LRRC37A2: variants seen among roughly 807,000 people sequenced by gnomAD.
LRRC37A2 encodes leucine rich repeat containing 37 member A2.
LRRC37A2 carries 9 observed loss-of-function variants against 68.8 expected under a neutral mutation model. The observed-to-expected ratio is 0.13, with a 90% CI of 0.08 to 0.23. The LOEUF (loss-of-function observed/expected upper bound fraction) is 0.23. LRRC37A2 is among the 10% of genes least tolerant of loss of function. The pLI is 1.00. For synonymous variants in LRRC37A2, 63 were observed against 367.6 expected (o/e 0.17, Z 9.48); for missense variants, 168 against 950.4 (o/e 0.18, Z 10.82).
At chr17:47,028,165 C>T in the LRRC37A2 span, 1 of 749,164 alleles carries the variant, frequency 1.3e-6, no homozygotes, top group Non-Finnish European at 2.4e-6. Context: ...TTCCTTAGTG[C>T]ATAGAGAAAG....
At chr17:46,979,480 C>T in the LRRC37A2 span, among the ~76,000 whole-genome samples, 1 of 152,212 alleles carries the variant, frequency 6.6e-6, no homozygotes, top group Non-Finnish European at 1.5e-5. Flanking sequence ...CCGTTCTTGG[C>T]TAGAAAACCT....
the LRRC37A2 span, among the ~76,000 whole-genome samples, chr17:46,996,155 CT>C: frequency 6.6e-6 from 1 of 152,198 alleles, no homozygotes; most frequent in South Asian, 2.1e-4. Flanking sequence ...TGGCTGCTCT[CT>C]GGATATCCCA....
the LRRC37A2 span, among the ~76,000 whole-genome samples, chr17:46,860,559 T>C: frequency 5.3e-5 from 8 of 152,252 alleles, no homozygotes; most frequent in African/African-American, 1.7e-4. Flanking sequence ...AATGGGATAA[T>C]CTTGATCTCT....
the LRRC37A2 span, chr17:46,721,759 T>C: frequency 6.2e-7 from 1 of 1,603,784 alleles, no homozygotes; most frequent in Non-Finnish European, 8.5e-7. Flanking sequence ...CAATTTCGCT[T>C]GGGAAGACCA....
At chr17:46,896,392 GAGAA>G in the LRRC37A2 span, among the ~76,000 whole-genome samples, 114 of 88,842 alleles carry the variant, frequency 1.3e-3, no homozygotes, top group South Asian at 3.0e-3. Context: ...AAGAAAGAAA[GAGAA>G]AGAAAGAAAG....
At chr17:46,883,592 C>A in the LRRC37A2 span, among the ~76,000 whole-genome samples, 1 of 152,156 alleles carries the variant, frequency 6.6e-6, no homozygotes, top group African/African-American at 2.4e-5. Flanking sequence ...GCCTATGATC[C>A]CCATTTTATA....
chr17:46,810,467 T>C, the LRRC37A2 span, among the ~76,000 whole-genome samples: 1 of 152,206 alleles, frequency 6.6e-6, no homozygotes, highest in Non-Finnish European at 1.5e-5. Context: ...GCCTCAGGTC[T>C]GAGGCCAACT....
At chr17:46,922,833 G>C in the LRRC37A2 span, 1 of 339,126 alleles carries the variant, frequency 2.9e-6, no homozygotes, top group Non-Finnish European at 5.5e-6. Flanking sequence ...CTGCGGCAGA[G>C]AACAGCAGAT....
the LRRC37A2 span, among the ~76,000 whole-genome samples, chr17:46,676,584 A>C: frequency 7.0e-6 from 1 of 143,176 alleles, no homozygotes; most frequent in Non-Finnish European, 1.5e-5. Flanking sequence ...TTAGAATTTG[A>C]ATGAATGTAT....
At chr17:46,934,617 C>T in the LRRC37A2 span, among the ~76,000 whole-genome samples, 1 of 152,184 alleles carries the variant, frequency 6.6e-6, no homozygotes, top group African/African-American at 2.4e-5. Flanking sequence ...AGCTAAAGGA[C>T]ACGAGCAAAC....
the LRRC37A2 span, among the ~76,000 whole-genome samples, chr17:46,664,465 C>CA: frequency 5.1e-3 from 5 of 980 alleles, no homozygotes; most frequent in Admixed American, 0.019. Flanking sequence ...GACCCTGTCT[C>CA]AAAAAAAAAA....
chr17:46,923,225 A>C, the LRRC37A2 span: 5 of 1,550,894 alleles, frequency 3.2e-6, no homozygotes, highest in Non-Finnish European at 4.4e-6. Context: ...CGCACAAGTG[A>C]GGGCCGGTCG....
At chr17:46,967,680 C>T in the LRRC37A2 span, among the ~76,000 whole-genome samples, 5 of 152,062 alleles carry the variant, frequency 3.3e-5, no homozygotes, top group African/African-American at 1.2e-4. Flanking sequence ...TTTAGGACAG[C>T]CCCTAGGAGG....
At chr17:46,773,408 G>A in the LRRC37A2 span, among the ~76,000 whole-genome samples, 1 of 152,048 alleles carries the variant, frequency 6.6e-6, no homozygotes, top group Admixed American at 6.6e-5. Context: ...AGCCTGAGGC[G>A]CCCACTGTGC....
the LRRC37A2 span, among the ~76,000 whole-genome samples, chr17:46,714,506 G>T: frequency 2.0e-5 from 3 of 152,082 alleles, no homozygotes; most frequent in Non-Finnish European, 4.4e-5. Flanking sequence ...AGTGCCACTC[G>T]TCACCTTCTT....
the LRRC37A2 span, among the ~76,000 whole-genome samples, chr17:46,807,039 T>A: frequency 6.6e-6 from 1 of 151,990 alleles, no homozygotes; most frequent in African/African-American, 2.4e-5. Flanking sequence ...GGGGTGGACA[T>A]AGTCATTGGC....
the LRRC37A2 span, among the ~76,000 whole-genome samples, chr17:47,026,949 C>T: frequency 5.3e-5 from 8 of 152,118 alleles, no homozygotes; most frequent in East Asian, 1.9e-4. Flanking sequence ...CTCGCTCTGT[C>T]GCCCAGGCTG....
chr17:46,935,498 C>A, the LRRC37A2 span: 1 of 1,336,994 alleles, frequency 7.5e-7, no homozygotes, highest in Non-Finnish European at 9.6e-7. Flanking sequence ...AGAATCTACT[C>A]TTGGAAGAAT....
chr17:46,810,136 A>C, the LRRC37A2 span, among the ~76,000 whole-genome samples: 2 of 150,508 alleles, frequency 1.3e-5, no homozygotes, highest in Non-Finnish European at 2.9e-5. Context: ...CCTTCCGAGT[A>C]GCTGGGATTA....
Sources: gnomAD v4.1 joint callset for allele counts (sites outside exome capture counted in the v4.1 genomes callset) on GRCh38, gnomAD v4.1.1 for gene constraint, MANE v1.5 for transcripts, NCBI Gene and HGNC (gene_info 2026-07-23, HGNC 2026-07-21) for gene names.